CPLANE1: variants seen among roughly 807,000 people sequenced by gnomAD.
The protein encoded by CPLANE1 is ciliogenesis and planar polarity effector complex subunit 1.
CPLANE1 carries 263 observed loss-of-function variants against 362.5 expected under a neutral mutation model. The ratio of observed to expected loss-of-function variants is 0.73; its 90% confidence interval spans 0.66 to 0.80. The LOEUF (loss-of-function observed/expected upper bound fraction) is 0.80, where lower values mean the gene tolerates loss of function less well. Ranked by LOEUF, CPLANE1 falls within the 30% of genes least tolerant of loss-of-function variation. CPLANE1 has a pLI of 0.00. For synonymous variants in CPLANE1, 1,212 were observed against 1,302.6 expected (o/e 0.93, Z 1.50); for missense variants, 3,461 against 3,793.4 (o/e 0.91, Z 2.30).
At chr5:37,111,089 G>A (rs923160116) in intron 51 of CPLANE1, among the ~76,000 whole-genome samples, 1 of 150,352 alleles carries the variant, frequency 6.7e-6, no homozygotes, top group Non-Finnish European at 1.5e-5. Flanking sequence ...TTACAGGCGT[G>A]AGCCACCACG....
chr5:37,171,952 A>G (rs1446826292), intron 32 of CPLANE1, among the ~76,000 whole-genome samples: 2 of 151,784 alleles, frequency 1.3e-5, no homozygotes, highest in Non-Finnish European at 2.9e-5. Context: ...ATGCCTGGAT[A>G]ATGGTTTGCT....
intron 31 of CPLANE1, among the ~76,000 whole-genome samples, chr5:37,174,922 C>G (rs1780751717): frequency 6.6e-6 from 1 of 152,210 alleles, no homozygotes; most frequent in Non-Finnish European, 1.5e-5. Flanking sequence ...TTTCTCACAG[C>G]TGCTGCCAGC....
intron 24 of CPLANE1, among the ~76,000 whole-genome samples, chr5:37,185,660 A>C (rs139561498): frequency 9.2e-5 from 14 of 152,294 alleles, no homozygotes; most frequent in African/African-American, 3.1e-4. Flanking sequence ...ATAATACAAA[A>C]TCACTGGACA....
intron 21 of CPLANE1, among the ~76,000 whole-genome samples, chr5:37,194,657 CT>C (rs575103511): frequency 0.023 from 3,136 of 135,108 alleles, 67 homozygotes; most frequent in African/African-American, 0.062. Context: ...TAAGAATAAA[CT>C]TTTTTTTTTT....
chr5:37,088,795 C>T, the CPLANE1 span, among the ~76,000 whole-genome samples: 3 of 152,020 alleles, frequency 2.0e-5, no homozygotes, highest in Admixed American at 6.6e-5. Context: ...GGGTTGCAAC[C>T]GGGATCTGGG....
intron 51 of CPLANE1, among the ~76,000 whole-genome samples, chr5:37,109,446 A>T (rs1732103838): frequency 6.6e-6 from 1 of 152,126 alleles, no homozygotes; most frequent in African/African-American, 2.4e-5. Context: ...CTCCCTAGCT[A>T]ACTTCATTTA....
intron 50 of CPLANE1, among the ~76,000 whole-genome samples, chr5:37,119,757 G>A (rs765039053): frequency 9.2e-5 from 14 of 151,668 alleles, no homozygotes; most frequent in Admixed American, 3.9e-4. Flanking sequence ...AGGCCGGGGC[G>A]GGTGGATCAC....
downstream of CPLANE1, among the ~76,000 whole-genome samples, chr5:37,104,460 C>T (rs1757450792): frequency 1.3e-5 from 2 of 151,480 alleles, no homozygotes; most frequent in Non-Finnish European, 2.9e-5. Context: ...AGTAGCCGGG[C>T]ATGATGGCAC....
At chr5:37,228,521 T>C (rs954241830) in intron 9 of CPLANE1, among the ~76,000 whole-genome samples, 1 of 152,096 alleles carries the variant, frequency 6.6e-6, no homozygotes, top group Non-Finnish European at 1.5e-5. Flanking sequence ...TGTAGAACCA[T>C]TAAAAATAAT....
chr5:37,227,833 C>G lies in CPLANE1; in HGVS notation c.1122-16G>C. On this transcript the variant is annotated splice_polypyrimidine_tract_variant and intron_variant, in intron 9 of 52. Coordinates refer to ENST00000651892, the MANE Select transcript of CPLANE1 (RefSeq NM_001384732.1). ...CTGCTGTGGTCTAGTAAACAAACAT[C>G]AAAATACAAGAATCAGTAAGAGAAA... 6.5e-7 allele frequency: 1 copy of G among 1,532,086 alleles called. No homozygotes were observed. Among genetic ancestry groups the G allele is most frequent in the Non-Finnish European group, 8.8e-7 (1 of 1,137,012 alleles). 94.9% of individuals were successfully genotyped at this position (1,532,086 alleles called of 1,614,324 possible). A position where few individuals can be genotyped will look rare whatever the true frequency, so the allele number is the denominator to read the frequency against.
intron 49 of CPLANE1, among the ~76,000 whole-genome samples, chr5:37,121,272 T>C (rs1489537985): frequency 6.6e-6 from 1 of 152,056 alleles, no homozygotes; most frequent in Non-Finnish European, 1.5e-5. Context: ...AGAGAGAAGA[T>C]GACACATGGG....
At position 37,183,002 on chromosome 5, in the gene CPLANE1, T is replaced by G. The variant is rs1457243252; in HGVS notation, c.5179A>C (p.Ile1727Leu). Residue 1727 changes from isoleucine to leucine, a missense_variant, in exon 26 of 53, where the codon ATT becomes CTT. Coordinates refer to ENST00000651892, the MANE Select transcript of CPLANE1 (RefSeq NM_001384732.1). ...AAAGGAAGATCTTCTTGAGGGTTAA[T>G]ATCATTGCACTGAATAGCTTTGAAA... ...CIFKAIQCND[I>L]NPQEDLPLAL... is the part of the protein sequence containing the mutation. 6.2e-7 allele frequency: 1 copy of G among 1,612,268 alleles called. No homozygotes were observed. The highest frequency in any genetic ancestry group is 8.5e-7 in the Non-Finnish European group (1 of 1,179,310).
intron 4 of CPLANE1, 85 bp from the exon 5 acceptor site, chr5:37,244,692 A>AC: frequency 1.6e-6 from 1 of 644,278 alleles, no homozygotes; most frequent in African/African-American, 1.9e-5. Context: ...TTCTTACAAT[A>AC]AAAAAAAAAC....
chr5:37,209,418 C>T lies in CPLANE1; in HGVS notation c.2921-2993G>A. 2 of 1,288,962 alleles carry T rather than the reference C, an allele frequency of 1.6e-6. No homozygotes were observed. Among genetic ancestry groups the T allele is most frequent in the Non-Finnish European group, 2.3e-6 (2 of 886,028 alleles). The allele number at this position is 1,288,962 out of a possible 1,614,324, so 79.8% of individuals were successfully genotyped here. A position where few individuals can be genotyped will look rare whatever the true frequency, so the allele number is the denominator to read the frequency against. Reference sequence around the variant, plus strand: ...GGCTGATGTGTTGAGTCAAAATGAACTGCGCAAAAAGCTATACCAGACATT... The same window carrying T: ...GGCTGATGTGTTGAGTCAAAATGAATTGCGCAAAAAGCTATACCAGACATT... On this transcript the variant is annotated intron_variant, in intron 16 of 52. Transcript: ENST00000651892. This position sits in a 1 kb window ranked among gnomAD's most constrained non-coding sequence, Gnocchi z 4.6.
chr5:37,221,300 A>G (rs892229899), intron 15 of CPLANE1, 24 bp downstream of exon 15: 1 of 1,456,678 alleles, frequency 6.9e-7, no homozygotes. Context: ...TTAAAAATAC[A>G]AAGAAAGAAA....
chr5:37,194,380 T>G (rs925503753), intron 21 of CPLANE1, among the ~76,000 whole-genome samples: 2 of 152,244 alleles, frequency 1.3e-5, no homozygotes, highest in South Asian at 4.1e-4. Flanking sequence ...ACTATGTCCC[T>G]ATTTATGAGC....
intron 42 of CPLANE1, among the ~76,000 whole-genome samples, chr5:37,150,105 T>A (rs1327598715): frequency 6.6e-6 from 1 of 152,140 alleles, no homozygotes; most frequent in Non-Finnish European, 1.5e-5. Context: ...TCAGCAGGGA[T>A]AGAATGTATA....
At position 37,226,849 on chromosome 5, in the gene CPLANE1, T is replaced by C. The variant is rs995624563; in HGVS notation, c.1746A>G (p.Ile582Met). The C allele has an allele frequency of 3.2e-6, 5 of 1,551,148 alleles. No homozygotes were observed. In the Admixed American group the frequency reaches 9.8e-5, roughly 30 times the overall value. ...TTTCTGTCACAGTTTTTGAAATTCC[T>C]ATAGTCCACGCTGCAAGTAGACTTT... ...IQKSLLAAWT[I>M]GISKTVTEKN... The change falls in exon 12 of 53, where the codon ATA becomes ATG. Residue 582 changes from isoleucine to methionine, a missense_variant. Coordinates refer to ENST00000651892, the MANE Select transcript of CPLANE1 (RefSeq NM_001384732.1).
At position 37,227,778 on chromosome 5, in the gene CPLANE1, A is replaced by G; in HGVS notation, c.1161T>C (p.Val387=). ...QFTFQDSNNS[V]DSSASDSDPM... is the part of the protein sequence containing the mutation. ...GGTCACTATCAGAAGCTGATGAATC[A>G]ACAGAATTATTTGAATCTTGAAACG... The change falls in exon 10 of 53, where the codon GTT becomes GTC. Residue 387 remains valine, a synonymous_variant. Coordinates refer to ENST00000651892, the MANE Select transcript of CPLANE1 (RefSeq NM_001384732.1). 3 of 1,551,316 alleles carry G rather than the reference A, an allele frequency of 1.9e-6. No homozygotes were observed. Among genetic ancestry groups the G allele is most frequent in the South Asian group, 2.4e-5 (2 of 84,044 alleles).
Sources: allele counts gnomAD v4.1 joint callset (sites outside exome capture counted in the v4.1 genomes callset), GRCh38; gene constraint gnomAD v4.1.1; non-coding constraint Gnocchi (gnomAD v3.1); transcripts MANE v1.5; gene names NCBI Gene and HGNC (gene_info 2026-07-23, HGNC 2026-07-21).